NOX4: variants seen among roughly 807,000 people sequenced by gnomAD.
NOX4 encodes the protein kidney oxidase-1.
In NOX4, 69 loss-of-function variants were observed where a neutral mutation model predicts 87.6. That is an observed-to-expected ratio of 0.79 (90% CI 0.65 to 0.96). The LOEUF is 0.96. Ranked by LOEUF, NOX4 falls within the 40% of genes least tolerant of loss-of-function variation. The pLI, the probability that NOX4 is intolerant of heterozygous loss-of-function variation, is 0.00. For synonymous variants in NOX4, 275 were observed against 238.2 expected (o/e 1.15, Z -1.42); for missense variants, 680 against 681.5 (o/e 1.00, Z 0.02).
At chr11:89,466,766 A>G (rs1945713715) in intron 2 of NOX4, among the ~76,000 whole-genome samples, 1 of 152,204 alleles carries the variant, frequency 6.6e-6, no homozygotes. Context: ...TACATGTAAC[A>G]GGAAATCAGA....
rs1945211401 is a variant in NOX4 at position 89,326,070 on chromosome 11, C to T, written c.*686G>A. The T allele has an allele frequency of 6.6e-6, 1 of 150,386 alleles. No individual in the cohort carries two copies. The highest frequency in any genetic ancestry group is 6.7e-5 in the Admixed American group (1 of 15,030). 9.3% of individuals were successfully genotyped at this position (150,386 alleles called of 1,614,324 possible). On this transcript the variant is annotated 3_prime_UTR_variant, in exon 18 of 18. Transcript: ENST00000263317. ...ATTAAATCATTATGTCTAATGCATGCTAAGGGAAGGCATATTTCCCTAGAG... is the reference window on the plus strand; with the variant it reads ...ATTAAATCATTATGTCTAATGCATGTTAAGGGAAGGCATATTTCCCTAGAG...
rs1945690355 is a variant in NOX4 at position 89,335,913 on chromosome 11, A to G, written c.1548T>C (p.Asn516=). The G allele has an allele frequency of 2.5e-6, 4 of 1,600,650 alleles. No individual in the cohort carries two copies. Residue 516 remains asparagine, a synonymous_variant, in exon 17 of 18, where the codon AAT becomes AAC. Transcript: ENST00000263317. The part of the protein sequence containing the change: ...KIIGEKYHAL[N]SRLFIGRPRW... ...GAGGACGTCCTATAAACAGTCTTGAATTCAGTGCATGATATTTTTCTCCAA... is the reference window on the plus strand; with the variant it reads ...GAGGACGTCCTATAAACAGTCTTGAGTTCAGTGCATGATATTTTTCTCCAA...
At chr11:89,346,335 C>A (rs1219156382) in intron 13 of NOX4, among the ~76,000 whole-genome samples, 3 of 152,048 alleles carry the variant, frequency 2.0e-5, no homozygotes, top group Admixed American at 1.3e-4. Context: ...AGTTCTTTGG[C>A]AAGGAGTCCC....
intron 6 of NOX4, among the ~76,000 whole-genome samples, chr11:89,434,096 C>T (rs1430006762): frequency 1.3e-5 from 2 of 151,984 alleles, no homozygotes; most frequent in African/African-American, 4.8e-5. Context: ...GTCAAGAAAA[C>T]TACTATGAAA....
intron 2 of NOX4, among the ~76,000 whole-genome samples, chr11:89,471,755 G>A (rs1296959882): frequency 6.6e-6 from 1 of 151,730 alleles, no homozygotes; most frequent in Non-Finnish European, 1.5e-5. Context: ...TGTTTGTTTG[G>A]GTTTTTGAGA....
chr11:89,408,148 C>T (rs903420401), intron 8 of NOX4, among the ~76,000 whole-genome samples: 7 of 152,110 alleles, frequency 4.6e-5, no homozygotes, highest in African/African-American at 1.2e-4. Flanking sequence ...AGAATGTGCA[C>T]TTCTTAAAGT....
At chr11:89,387,112 A>G (rs896640917) in intron 11 of NOX4, among the ~76,000 whole-genome samples, 2 of 151,692 alleles carry the variant, frequency 1.3e-5, no homozygotes, top group African/African-American at 4.8e-5. Flanking sequence ...ATCTCTCCAT[A>G]CCACCCCCAA....
At chr11:89,394,052 G>GCAGGC (rs1844807863) in intron 11 of NOX4, among the ~76,000 whole-genome samples, 1 of 152,052 alleles carries the variant, frequency 6.6e-6, no homozygotes, top group South Asian at 2.1e-4. Flanking sequence ...ATCTTAAGAA[G>GCAGGC]CAGGCCAGGC....
the NOX4 span, among the ~76,000 whole-genome samples, chr11:89,572,050 G>A: frequency 6.6e-6 from 1 of 152,152 alleles, no homozygotes; most frequent in Non-Finnish European, 1.5e-5. Context: ...CCCCCCTCAA[G>A]TAGTCCTGAT....
chr11:89,505,605 C>T, the NOX4 span, among the ~76,000 whole-genome samples: 1 of 151,418 alleles, frequency 6.6e-6, no homozygotes, highest in South Asian at 2.1e-4. Flanking sequence ...ACTGAGGGGA[C>T]AACTGGAGGA....
chr11:89,447,590 T>C (rs992109019), intron 4 of NOX4, among the ~76,000 whole-genome samples: 2 of 152,180 alleles, frequency 1.3e-5, no homozygotes, highest in Non-Finnish European at 2.9e-5. Flanking sequence ...AAGGGTAATG[T>C]AGCCAAAGTC....
chr11:89,513,707 C>G, the NOX4 span, among the ~76,000 whole-genome samples: 1 of 151,738 alleles, frequency 6.6e-6, no homozygotes, highest in South Asian at 2.1e-4. Context: ...TTATTTAATC[C>G]TCAGAACAAA....
At chr11:89,575,120 T>C in the NOX4 span, among the ~76,000 whole-genome samples, 2 of 151,878 alleles carry the variant, frequency 1.3e-5, no homozygotes, top group Non-Finnish European at 2.9e-5. Flanking sequence ...GAGTCAGAGG[T>C]TGCAGTGAGC....
intron 2 of NOX4, among the ~76,000 whole-genome samples, chr11:89,474,946 C>A (rs1036027639): frequency 7.3e-5 from 11 of 150,292 alleles, no homozygotes; most frequent in African/African-American, 2.7e-4. Flanking sequence ...GTATTCTACA[C>A]AATGATGTTT....
intron 13 of NOX4, among the ~76,000 whole-genome samples, chr11:89,344,963 A>G (rs1240194911): frequency 2.0e-5 from 3 of 152,192 alleles, no homozygotes; most frequent in African/African-American, 4.8e-5. Context: ...TTCTCTCTTC[A>G]TGTAGGAAAA....
intron 11 of NOX4, among the ~76,000 whole-genome samples, chr11:89,399,032 T>G (rs1941666042): frequency 6.6e-6 from 1 of 151,946 alleles, no homozygotes; most frequent in African/African-American, 2.4e-5. Context: ...AGAAAAGGAT[T>G]GGAAAGTGGG....
the NOX4 span, among the ~76,000 whole-genome samples, chr11:89,580,600 A>G: frequency 3.3e-5 from 5 of 152,218 alleles, no homozygotes; most frequent in Non-Finnish European, 5.9e-5. Flanking sequence ...ATTCTTGGGC[A>G]AAATCATTTA....
the NOX4 span, among the ~76,000 whole-genome samples, chr11:89,519,576 G>A: frequency 6.6e-6 from 1 of 152,026 alleles, no homozygotes; most frequent in Admixed American, 6.6e-5. Flanking sequence ...GTATCTGTAA[G>A]GAGACTATCA....
chr11:89,338,083 C>T, intron 15 of NOX4, among the ~76,000 whole-genome samples: 1 of 152,010 alleles, frequency 6.6e-6, no homozygotes, highest in South Asian at 2.1e-4. Context: ...GAACAACAAC[C>T]CCTCACTTCC....
Sources: allele counts gnomAD v4.1 joint callset (sites outside exome capture counted in the v4.1 genomes callset), GRCh38; gene constraint gnomAD v4.1.1; transcripts MANE v1.5; gene names NCBI Gene and HGNC (gene_info 2026-07-23, HGNC 2026-07-21).